Variants in UBR2 observed in about 807,000 individuals in gnomAD.
The protein encoded by UBR2 is ubiquitin protein ligase E3 component n-recognin 2, also known as E3 ubiquitin-protein ligase UBR2.
UBR2 carries 92 observed loss-of-function variants against 247.9 expected under a neutral mutation model. The observed-to-expected ratio is 0.37, with a 90% CI of 0.31 to 0.44. The LOEUF (loss-of-function observed/expected upper bound fraction) is 0.44, where lower values mean the gene tolerates loss of function less well. Among genes scored for constraint, UBR2 ranks in the 20% least tolerant of loss-of-function variants. The probability of loss-of-function intolerance (pLI) is 1.00; values close to 1 mark genes in which losing one functional copy is unlikely to be tolerated. For missense variants in UBR2, 1,613 were observed against 2,112.6 expected, an observed-to-expected ratio of 0.76 and a Z score of 4.64; for synonymous variants, 672 against 693.5, an observed-to-expected ratio of 0.97 and a Z score of 0.49.
rs560729159 is a variant in UBR2, at chr6:42,564,409, A to G, written c.78+12A>G. 597 of 1,606,392 alleles carry G rather than the reference A, an allele frequency of 3.7e-4. No individual in the cohort carries two copies. Among genetic ancestry groups the G allele is most frequent in the Non-Finnish European group, 4.8e-4 (566 of 1,176,962 alleles). On this transcript the variant is annotated intron_variant, in intron 1 of 46. Transcript: ENST00000372901. ...AGGAGATTGCGGGGGTGAGTGCCGG[A>G]ACCCGGGCGGGTGCGTCTGCCCCTC...
rs559881612 is a variant in UBR2, at chr6:42,638,669, G to A, written c.1858+1475G>A. On this transcript the variant is annotated intron_variant, in intron 15 of 46. Transcript: ENST00000372901. ...ATTGATGGCATGGTGTTGTGGAAAA[G>A]TATTGGACAGAAGGCAAGAAAGTGA... 6.6e-5 allele frequency among the ~76,000 whole-genome samples: 10 copies of A among 152,154 alleles called. No individual in the cohort carries two copies. In the East Asian group the frequency reaches 1.9e-3, roughly 29 times the overall value.
chr6:42,671,790 G>A (rs1011056127), intron 36 of UBR2, among the ~76,000 whole-genome samples: 2 of 152,032 alleles, frequency 1.3e-5, no homozygotes, highest in African/African-American at 4.8e-5. Context: ...AACCTCCAGA[G>A]TTCTGCCATC....
At chr6:42,667,227 T>A (rs1378639249) in intron 34 of UBR2, among the ~76,000 whole-genome samples, 1 of 151,908 alleles carries the variant, frequency 6.6e-6, no homozygotes, top group Non-Finnish European at 1.5e-5. Context: ...TCCCAGCTAC[T>A]TGGGGGGCTG....
intron 1 of UBR2, among the ~76,000 whole-genome samples, chr6:42,569,944 C>T (rs1791010685): frequency 6.6e-6 from 1 of 152,186 alleles, no homozygotes; most frequent in African/African-American, 2.4e-5. Context: ...TTATTACTCT[C>T]TTATGCCACA....
At chr6:42,649,747 A>T (rs1019318059) in intron 22 of UBR2, among the ~76,000 whole-genome samples, 6 of 152,132 alleles carry the variant, frequency 3.9e-5, no homozygotes, top group African/African-American at 1.4e-4. Context: ...TTCCGAAAGT[A>T]TTATATATTA....
At chr6:42,585,837 G>GT in intron 2 of UBR2, among the ~76,000 whole-genome samples, 1 of 152,026 alleles carries the variant, frequency 6.6e-6, no homozygotes, top group Non-Finnish European at 1.5e-5. Flanking sequence ...CAAATAATAA[G>GT]TTTTTAGCTT....
chr6:42,635,393 A>G, intron 13 of UBR2, 25 bp from the exon 14 acceptor site: 1 of 1,607,646 alleles, frequency 6.2e-7, no homozygotes, highest in Non-Finnish European at 8.5e-7. Context: ...TTTCATTCAT[A>G]TATAATTTTT....
intron 44 of UBR2, among the ~76,000 whole-genome samples, chr6:42,686,647 G>A (rs1047711924): frequency 4.8e-4 from 73 of 151,892 alleles, no homozygotes; most frequent in Non-Finnish European, 9.4e-4. Context: ...CTTCCCAGAC[G>A]GGGCAGCCGG....
At chr6:42,610,826 GA>G (rs1794018135) in intron 7 of UBR2, among the ~76,000 whole-genome samples, 1 of 151,478 alleles carries the variant, frequency 6.6e-6, no homozygotes, top group African/African-American at 2.4e-5. Flanking sequence ...TGGCTAAGAT[GA>G]AAGTTTTATA....
At chr6:42,607,895 A>G (rs1416683321) in intron 7 of UBR2, among the ~76,000 whole-genome samples, 3 of 152,076 alleles carry the variant, frequency 2.0e-5, no homozygotes, top group Non-Finnish European at 4.4e-5. Context: ...CAAGATACAT[A>G]TTGAATGTAT....
At chr6:42,596,022 A>G (rs1255848771) in intron 4 of UBR2, among the ~76,000 whole-genome samples, 1 of 151,282 alleles carries the variant, frequency 6.6e-6, no homozygotes, top group Non-Finnish European at 1.5e-5. Flanking sequence ...TTTGAAAAAA[A>G]AGAATTGTGC....
chr6:42,652,617 A>G lies in UBR2; in HGVS notation c.2741A>G (p.Tyr914Cys), dbSNP rs1453517476. ...CAATGGGCTGTGGAACATAATGGAT[A>G]TGCCTGGTCAGAGTCCATGCTGCAA... ...ILQWAVEHNG[Y>C]AWSESMLQRV... The change falls in exon 25 of 47, where the codon TAT becomes TGT. Residue 914 changes from tyrosine (Y) to cysteine (C), a missense_variant. Coordinates refer to ENST00000372901, the MANE Select transcript of UBR2 (RefSeq NM_001363705.2). The G allele has an allele frequency of 1.2e-6, 2 of 1,612,566 alleles. No homozygotes were observed. Among genetic ancestry groups the G allele is most frequent in the Middle Eastern group, 1.6e-4 (1 of 6,074 alleles).
At chr6:42,655,252 C>CGGAT (rs932821324) in intron 25 of UBR2, among the ~76,000 whole-genome samples, 1 of 151,910 alleles carries the variant, frequency 6.6e-6, no homozygotes, top group Admixed American at 6.6e-5. Context: ...CCAAGGTGGG[C>CGGAT]GGATCACTTG....
rs767678944 is a variant in UBR2 at position 42,688,199 on chromosome 6, T to C, written c.4854-17T>C. ...ACTCTTTAGATCAATGACTTGTGGG[T>C]TTTTTATCCCTTGGAGGTGCCCGAA... On this transcript the variant is annotated splice_polypyrimidine_tract_variant and intron_variant, in intron 44 of 46. Coordinates refer to ENST00000372901, the MANE Select transcript of UBR2 (RefSeq NM_001363705.2). 1.2e-6 allele frequency: 2 copies of C among 1,613,922 alleles called. No homozygotes were observed. The highest frequency in any genetic ancestry group is 1.3e-5 in the African/African-American group (1 of 74,914).
intron 22 of UBR2, among the ~76,000 whole-genome samples, chr6:42,648,988 A>C (rs1796944879): frequency 1.3e-5 from 2 of 152,182 alleles, no homozygotes; most frequent in South Asian, 4.1e-4. Context: ...TTTACATAAT[A>C]TACTTTGTCA....
chr6:42,636,461 G>C (rs1220853442), intron 14 of UBR2, among the ~76,000 whole-genome samples: 1 of 152,082 alleles, frequency 6.6e-6, no homozygotes, highest in East Asian at 1.9e-4. Context: ...TTACCAGCGT[G>C]AGCCACCACA....
At chr6:42,564,788 A>G (rs1270377802) in intron 1 of UBR2, among the ~76,000 whole-genome samples, 4 of 152,108 alleles carry the variant, frequency 2.6e-5, no homozygotes, top group Non-Finnish European at 5.9e-5. Flanking sequence ...TTATCTAGTT[A>G]ATTGCTTTTC....
chr6:42,612,117 G>A, intron 7 of UBR2, 54 bp from the exon 8 acceptor site: 1 of 1,440,234 alleles, frequency 6.9e-7, no homozygotes, highest in Non-Finnish European at 9.3e-7. Context: ...ACTTTGTTCT[G>A]CCAATAGAAT....
In UBR2 at chr6:42,642,403, C is replaced by A. The variant is rs1562348040; in HGVS notation, c.2032-13C>A. 2.2e-6 allele frequency: 3 copies of A among 1,365,990 alleles called. No individual in the cohort carries two copies. The African/African-American group carries it at 4.4e-5, about 20-fold the overall frequency. The allele number at this position is 1,365,990 out of a possible 1,614,324, so 84.6% of individuals were successfully genotyped here. ...AAAAACTATTTACTCAATATAATTA[C>A]TTTTTTTTTTAGATTTATTACTACC... On this transcript the variant is annotated splice_polypyrimidine_tract_variant and intron_variant, in intron 17 of 46. Transcript: ENST00000372901.
Sources: allele counts gnomAD v4.1 joint callset (sites outside exome capture counted in the v4.1 genomes callset), GRCh38; gene constraint gnomAD v4.1.1; transcripts MANE v1.5; gene names NCBI Gene and HGNC (gene_info 2026-07-23, HGNC 2026-07-21).